The following XPO5 variants were observed in gnomAD, a reference collection of about 807,000 sequenced individuals.
The protein encoded by XPO5 is exportin 5, also known as exportin-5.
A neutral mutation model predicts 160.6 loss-of-function variants in XPO5; 46 were observed. That is an observed-to-expected ratio of 0.29 (90% CI 0.23 to 0.37). The LOEUF (loss-of-function observed/expected upper bound fraction) is 0.37. XPO5 is among the 10% of genes least tolerant of loss of function. XPO5 has a pLI of 1.00. For missense variants in XPO5, 1,090 were observed against 1,463.9 expected (o/e 0.74, Z 4.17); for synonymous variants, 537 against 519.3 (o/e 1.03, Z -0.46).
intron 23 of XPO5, 153 bp downstream of exon 23, chr6:43,530,535 C>G (rs1304057163): frequency 1.1e-6 from 1 of 904,946 alleles, no homozygotes; most frequent in African/African-American, 1.7e-5. Context: ...TCCCTGCAAT[C>G]TGCCAGTGTT....
In XPO5 at chr6:43,562,464, A is replaced by C. The variant is rs889438719; in HGVS notation, c.912-118T>G. ...TAGGTCTGTAATTCAGCAGAATTCC[A>C]ATAGCTTTGCTAAATTAAAAATTTT... On this transcript the variant is annotated intron_variant, in intron 8 of 31. Transcript: ENST00000265351. 3 of 777,800 alleles carry C rather than the reference A, an allele frequency of 3.9e-6. No individual in the cohort carries two copies. In the African/African-American group the frequency reaches 5.3e-5, roughly 14 times the overall value. The allele number at this position is 777,800 out of a possible 1,614,324, so 48.2% of individuals were successfully genotyped here. A position where few individuals can be genotyped will look rare whatever the true frequency, so the allele number is the denominator to read the frequency against.
Position 43,533,965 on chromosome 6 carries a change from C to A in XPO5, c.2385G>T (p.Met795Ile). The A allele has an allele frequency of 6.2e-7, 1 of 1,606,970 alleles. No individual in the cohort carries two copies. Residue 795 changes from methionine (M) to isoleucine (I), a missense_variant, in exon 21 of 32, where the codon ATG (methionine) becomes ATT (isoleucine). By Grantham distance (10) the Met-to-Ile change is conservative. This residue lies in a region of XPO5 where 810 missense variants were observed against 1,139.0 expected (regional missense o/e 0.71). Transcript: ENST00000265351. ...CCAGAGCCTTGGTGAAAGGCTCTGC[C>A]ATTTTGGCTAGCATTTCTGGTGCAT... Reference protein sequence around the residue: ...TLYAPEMLAKMAEPFTKALDM... With the variant: ...TLYAPEMLAKIAEPFTKALDM...
At chr6:43,560,088 G>C in intron 11 of XPO5, 90 bp downstream of exon 11, 1 of 1,465,262 alleles carries the variant, frequency 6.8e-7, no homozygotes, top group South Asian at 1.3e-5. Context: ...CATAGAGCTG[G>C]GATTATAGGC....
intron 23 of XPO5, among the ~76,000 whole-genome samples, chr6:43,529,976 T>G (rs1793860185): frequency 6.6e-6 from 1 of 151,338 alleles, no homozygotes; most frequent in Non-Finnish European, 1.5e-5. Flanking sequence ...CTTTCACAGC[T>G]GGGCATGGTG....
intron 1 of XPO5, 67 bp downstream of exon 1, chr6:43,575,693 G>A (rs1763282271): frequency 1.1e-5 from 16 of 1,440,146 alleles, no homozygotes; most frequent in Admixed American, 1.1e-4. Flanking sequence ...AGTTACAGGC[G>A]GCGCCGGAGC....
At chr6:43,543,635 T>C (rs1254690895) in intron 20 of XPO5, among the ~76,000 whole-genome samples, 2 of 152,158 alleles carry the variant, frequency 1.3e-5, no homozygotes, top group Non-Finnish European at 2.9e-5. Flanking sequence ...TAAGCCCTTT[T>C]CTACATAAAT....
Position 43,568,744 on chromosome 6 carries a change from G to C in XPO5, c.622-7C>G. The C allele has an allele frequency of 6.4e-7, 1 of 1,573,172 alleles. No individual in the cohort carries two copies. Among genetic ancestry groups the C allele is most frequent in the East Asian group, 2.3e-5 (1 of 43,124 alleles). ...CCTGAGAAGTATCTGTCTTCTGAAA[G>C]GAAGTATAAAGATCCAGTGTTTTTA... On this transcript the variant is annotated splice_polypyrimidine_tract_variant and splice_region_variant and intron_variant, in intron 5 of 31. Transcript: ENST00000265351.
chr6:43,563,286 G>A (rs532510184), intron 8 of XPO5, among the ~76,000 whole-genome samples: 2 of 152,068 alleles, frequency 1.3e-5, no homozygotes, highest in South Asian at 4.2e-4. Flanking sequence ...GCCACCATAC[G>A]CAGCTAATTT....
At chr6:43,550,221 CTTCTT>C (rs774132636) in intron 15 of XPO5, among the ~76,000 whole-genome samples, 13 of 152,330 alleles carry the variant, frequency 8.5e-5, no homozygotes, top group East Asian at 5.8e-4. Flanking sequence ...ACGCCTCTCT[CTTCTT>C]TTATCAAAAG....
chr6:43,551,521 T>G lies in XPO5; in HGVS notation c.1573-68A>C. On this transcript the variant is annotated intron_variant, in intron 14 of 31. Coordinates refer to ENST00000265351, the MANE Select transcript of XPO5 (RefSeq NM_020750.3). ...CTTAGAAATAACCATTTTGGCTACA[T>G]TTTATTTTCATCTTTTAAAGAGACA... The G allele has an allele frequency of 5.7e-6, 9 of 1,572,678 alleles. No homozygotes were observed. The South Asian group carries it at 1.0e-4, about 18-fold the overall frequency.
intron 1 of XPO5, among the ~76,000 whole-genome samples, chr6:43,573,825 T>TATA (rs1561889363): frequency 2.2e-3 from 186 of 85,216 alleles, no homozygotes; most frequent in South Asian, 0.012. Context: ...ATATATATAT[T>TATA]TTTTTTTTTT....
chr6:43,568,293 C>T (rs568950644), intron 6 of XPO5, among the ~76,000 whole-genome samples: 6 of 150,712 alleles, frequency 4.0e-5, no homozygotes, highest in Admixed American at 6.6e-5. Flanking sequence ...GGCAAGTGAG[C>T]GAGACTCCGT....
At position 43,575,921 on chromosome 6, in the gene XPO5, G is replaced by A. The variant is rs1185689923; in HGVS notation, c.-57C>T. 6.4e-7 allele frequency: 1 copy of A among 1,552,352 alleles called. No homozygotes were observed. Among genetic ancestry groups the A allele is most frequent in the East Asian group, 2.4e-5 (1 of 42,078 alleles). ...CTGCAGTCCCGGGACCACGAGGCAC[G>A]ACAGCTCCCTCGGCGAGACCACCCG... On this transcript the variant is annotated 5_prime_UTR_variant, in exon 1 of 32. Coordinates refer to ENST00000265351, the MANE Select transcript of XPO5 (RefSeq NM_020750.3).
Position 43,555,917 on chromosome 6 carries a change from C to T in XPO5, c.1360G>A (p.Asp454Asn), listed in dbSNP as rs755688675. 1.9e-6 allele frequency: 3 copies of T among 1,613,934 alleles called. No homozygotes were observed. Among genetic ancestry groups the T allele is most frequent in the East Asian group, 2.2e-5 (1 of 44,874 alleles). Residue 454 changes from aspartate (D) to asparagine (N), a missense_variant, in exon 13 of 32, where the codon GAT becomes AAT. Physicochemically the swap from Asp to Asn is conservative, Grantham distance 23 (BLOSUM62 1). This residue lies in a region of XPO5 where 810 missense variants were observed against 1,139.0 expected (regional missense o/e 0.71). Transcript: ENST00000265351. ...GEVMRLACRL[D>N]PKTSFQMAGE... is the part of the protein sequence containing the mutation. ...GCCATCTGGAAGCTAGTTTTGGGAT[C>T]CAAACGACATGCCAACCTCATCACC...
intron 21 of XPO5, 49 bp downstream of exon 21, chr6:43,533,858 C>T (rs577973108): frequency 7.2e-7 from 1 of 1,390,892 alleles, no homozygotes; most frequent in East Asian, 2.6e-5. Context: ...AAGGGGACAT[C>T]CATTAGGGAT....
Position 43,547,673 on chromosome 6 carries a change from C to T in XPO5, c.2095G>A (p.Val699Met), listed in dbSNP as rs1253556734. ...LSDVDAFIAY[V>M]GTDQKSCDPG... ...TCACAGCTCTTCTGATCTGTACCCA[C>T]ATACGCAATGAAAGCATCAACATCT... The change falls in exon 19 of 32, where the codon GTG becomes ATG. Residue 699 changes from valine (V) to methionine (M), a missense_variant. Transcript: ENST00000265351. 3.1e-6 allele frequency: 5 copies of T among 1,614,008 alleles called. No homozygotes were observed. In the South Asian group the frequency reaches 3.3e-5, roughly 11 times the overall value.
chr6:43,531,611 A>T, intron 21 of XPO5, 36 bp from the exon 22 acceptor site: 1 of 1,566,216 alleles, frequency 6.4e-7, no homozygotes, highest in South Asian at 1.1e-5. Flanking sequence ...ATGATGCTCC[A>T]CTGTCAGGAG....
Position 43,523,787 on chromosome 6 carries a change from G to A in XPO5, c.*81C>T. ...CAGTGGTGGAAAGTGAGGTGGCAGT[G>A]CAAGAAGGGCCTAGAGATCGGCTAC... On this transcript the variant is annotated 3_prime_UTR_variant, in exon 32 of 32. Coordinates refer to ENST00000265351, the MANE Select transcript of XPO5 (RefSeq NM_020750.3). The A allele has an allele frequency of 1.2e-6, 2 of 1,609,292 alleles. No individual in the cohort carries two copies. Among genetic ancestry groups the A allele is most frequent in the Non-Finnish European group, 1.7e-6 (2 of 1,176,104 alleles).
In XPO5 at chr6:43,525,319, C is replaced by T. The variant is rs1004943943; in HGVS notation, c.3067-105G>A. 12 of 1,091,994 alleles carry T rather than the reference C, an allele frequency of 1.1e-5. No homozygotes were observed. In the Admixed American group the frequency reaches 1.2e-4, roughly 11 times the overall value. The allele number at this position is 1,091,994 out of a possible 1,614,324, so 67.6% of individuals were successfully genotyped here. On this transcript the variant is annotated intron_variant, in intron 28 of 31. Coordinates refer to ENST00000265351, the MANE Select transcript of XPO5 (RefSeq NM_020750.3). ...AGGGTTTTTTTTTTTTCCTCCCCCCCTCTAAAGATGGGTTTGTTTTGTTGC... is the reference window on the plus strand; with the variant it reads ...AGGGTTTTTTTTTTTTCCTCCCCCCTTCTAAAGATGGGTTTGTTTTGTTGC...
Sources: gnomAD v4.1 joint callset for allele counts (sites outside exome capture counted in the v4.1 genomes callset) on GRCh38, gnomAD v4.1.1 for gene constraint, gnomAD v4.1.1 regional missense constraint, MANE v1.5 for transcripts, NCBI Gene and HGNC (gene_info 2026-07-23, HGNC 2026-07-21) for gene names.